The following PALM2AKAP2 variants were observed in gnomAD, a reference collection of about 807,000 sequenced individuals.
PALM2AKAP2 encodes PALM2 and AKAP2 fusion.
In PALM2AKAP2, 37 loss-of-function variants were observed where a neutral mutation model predicts 71.5. The observed-to-expected ratio is 0.52, with a 90% CI of 0.40 to 0.68. The LOEUF (loss-of-function observed/expected upper bound fraction) is 0.68. Among genes scored for constraint, PALM2AKAP2 ranks in the 30% least tolerant of loss-of-function variants. PALM2AKAP2 has a pLI of 0.00. For missense variants in PALM2AKAP2, 1,224 were observed against 1,191.8 expected, an observed-to-expected ratio of 1.03 and a Z score of -0.40; for synonymous variants, 468 against 478.8, an observed-to-expected ratio of 0.98 and a Z score of 0.29.
chr9:109,875,049 A>G (rs1301080504), intron 2 of PALM2AKAP2, among the ~76,000 whole-genome samples: 1 of 152,188 alleles, frequency 6.6e-6, no homozygotes, highest in Non-Finnish European at 1.5e-5. Context: ...TAACAAGGCT[A>G]CAGAATCCTA....
chr9:109,898,385 A>G (rs191459504), intron 3 of PALM2AKAP2, among the ~76,000 whole-genome samples: 87 of 152,324 alleles, frequency 5.7e-4, no homozygotes, highest in African/African-American at 2.0e-3. Context: ...GCAGCTCTCA[A>G]AAGACCTCTC....
intron 3 of PALM2AKAP2, among the ~76,000 whole-genome samples, chr9:109,894,275 G>A (rs1000735754): frequency 6.6e-6 from 1 of 152,154 alleles, no homozygotes; most frequent in Non-Finnish European, 1.5e-5. Flanking sequence ...GGAGGCAGAG[G>A]TTGCAGTCAG....
intron 5 of PALM2AKAP2, among the ~76,000 whole-genome samples, chr9:109,929,942 CAT>C (rs1831055444): frequency 6.6e-6 from 1 of 150,382 alleles, no homozygotes; most frequent in Non-Finnish European, 1.5e-5. Context: ...CAACTTCAGA[CAT>C]GTGGCTTCAC....
At chr9:109,806,590 C>G (rs756953775) in intron 1 of PALM2AKAP2, among the ~76,000 whole-genome samples, 1 of 152,056 alleles carries the variant, frequency 6.6e-6, no homozygotes, top group Non-Finnish European at 1.5e-5. Context: ...TCAAGAAAAA[C>G]CTTACTAATA....
At chr9:110,145,935 G>A (rs1045361836) in intron 2 of PALM2AKAP2, among the ~76,000 whole-genome samples, 4 of 103,882 alleles carry the variant, frequency 3.9e-5, no homozygotes, top group Middle Eastern at 0.012. Flanking sequence ...GTCTCGTTCT[G>A]TCGCCCAGTC....
At chr9:110,089,792 T>C (rs1372704599) in intron 1 of PALM2AKAP2, among the ~76,000 whole-genome samples, 1 of 152,240 alleles carries the variant, frequency 6.6e-6, no homozygotes, top group Non-Finnish European at 1.5e-5. Context: ...TTCTCTTTAC[T>C]GTAAACAGTG....
At chr9:109,959,403 T>C (rs1831810046) in intron 6 of PALM2AKAP2, among the ~76,000 whole-genome samples, 1 of 152,080 alleles carries the variant, frequency 6.6e-6, no homozygotes, top group Non-Finnish European at 1.5e-5. Context: ...CCCAGCACTT[T>C]GGAGGCCGAG....
At chr9:109,744,224 G>A (rs1486669176) in intron 1 of PALM2AKAP2, among the ~76,000 whole-genome samples, 1 of 152,174 alleles carries the variant, frequency 6.6e-6, no homozygotes, top group Non-Finnish European at 1.5e-5. Flanking sequence ...GAGAGATATT[G>A]TTAGATGTGG....
intron 1 of PALM2AKAP2, chr9:109,866,892 C>G (rs904084296): frequency 5.2e-6 from 2 of 387,382 alleles, no homozygotes; most frequent in Non-Finnish European, 1.0e-5. Flanking sequence ...CCTCAGCTGC[C>G]CCACCCACAT....
chr9:109,937,654 A>G (rs766956790), intron 6 of PALM2AKAP2, among the ~76,000 whole-genome samples: 7 of 152,228 alleles, frequency 4.6e-5, no homozygotes, highest in East Asian at 1.9e-4. Context: ...GAAATCAATA[A>G]TTAAATACAT....
intron 3 of PALM2AKAP2, among the ~76,000 whole-genome samples, chr9:110,168,018 A>G (rs1836777646): frequency 6.6e-6 from 1 of 152,218 alleles, no homozygotes; most frequent in African/African-American, 2.4e-5. Context: ...ACCATACTGG[A>G]TAGCAGAGAT....
intron 1 of PALM2AKAP2, among the ~76,000 whole-genome samples, chr9:110,098,716 A>G (rs1834921130): frequency 6.6e-6 from 1 of 152,200 alleles, no homozygotes; most frequent in Non-Finnish European, 1.5e-5. Flanking sequence ...AACTAAAGTC[A>G]CTTTCTGTCC....
At position 110,014,845 on chromosome 9, in the gene PALM2AKAP2, T is replaced by C. The variant is rs1234915033; in HGVS notation, c.497-1109T>C. ...ATATATATATATATATATATATATA[T>C]ATATATACACACACACACATATATC... is the stretch of plus-strand genomic sequence containing the variant. On this transcript the variant is annotated intron_variant, in intron 6 of 9. Transcript: ENST00000302798. Among the ~76,000 whole-genome samples the C allele has an allele frequency of 4.6e-4, 44 of 94,762 alleles. 3 individuals carry two copies. Among genetic ancestry groups the C allele is most frequent in the African/African-American group, 1.8e-3 (41 of 23,046 alleles). 62.2% of individuals were successfully genotyped at this position (94,762 alleles called of 152,430 possible). A position where few individuals can be genotyped will look rare whatever the true frequency, so the allele number is the denominator to read the frequency against.
chr9:109,834,771 C>A (rs149646582), intron 1 of PALM2AKAP2, among the ~76,000 whole-genome samples: 2 of 152,276 alleles, frequency 1.3e-5, no homozygotes, highest in Non-Finnish European at 2.9e-5. Context: ...CATTTTACAG[C>A]TGCAAAAACT....
At chr9:110,070,858 A>G (rs1393708423) in intron 1 of PALM2AKAP2, among the ~76,000 whole-genome samples, 2 of 151,992 alleles carry the variant, frequency 1.3e-5, no homozygotes, top group African/African-American at 4.8e-5. Flanking sequence ...CCCATCCGGC[A>G]AGTTTCGAAT....
chr9:110,138,267 A>G lies in PALM2AKAP2; in HGVS notation c.2297A>G (p.Glu766Gly), dbSNP rs143737736. ...ATTAACATGGAGGAGACCAGGCCCGAAGGAAGCTATTTCAGCAAGTACTCG... is the reference window on the plus strand; with the variant it reads ...ATTAACATGGAGGAGACCAGGCCCGGAGGAAGCTATTTCAGCAAGTACTCG... The change falls in exon 2 of 4, where the codon GAA (glutamate) becomes GGA (glycine). Residue 766 changes from glutamate to glycine, a missense_variant. Coordinates refer to ENST00000374525, the Ensembl canonical transcript of PALM2AKAP2. The G allele has an allele frequency of 1.5e-5, 24 of 1,614,096 alleles. No individual in the cohort carries two copies. The African/African-American group carries it at 2.3e-4, about 15-fold the overall frequency.
rs993797554 is a variant in PALM2AKAP2, at chr9:110,158,098, A to G, written c.2748+1601A>G. On this transcript the variant is annotated intron_variant, in intron 3 of 3. Coordinates refer to ENST00000374525, the Ensembl canonical transcript of PALM2AKAP2. Reference sequence around the variant, plus strand: ...GCTGCTGCAGACATTTCCACTGCTGAACCTCACTGTAGGGGAGCCAGCAGC... The same window carrying G: ...GCTGCTGCAGACATTTCCACTGCTGGACCTCACTGTAGGGGAGCCAGCAGC... 1.2e-4 allele frequency among the ~76,000 whole-genome samples: 18 copies of G among 152,292 alleles called. No individual in the cohort carries two copies. In the South Asian group the frequency reaches 1.2e-3, roughly 11 times the overall value.
At chr9:109,657,654 C>T (rs780565893) in intron 1 of PALM2AKAP2, among the ~76,000 whole-genome samples, 3 of 151,904 alleles carry the variant, frequency 2.0e-5, no homozygotes, top group African/African-American at 4.8e-5. Flanking sequence ...CTTGAGGGAG[C>T]GAGTTGGTAT....
intron 1 of PALM2AKAP2, among the ~76,000 whole-genome samples, chr9:109,712,836 C>T (rs1404860854): frequency 6.6e-6 from 1 of 152,192 alleles, no homozygotes; most frequent in Non-Finnish European, 1.5e-5. Flanking sequence ...ACTACTTCCC[C>T]AAGGCAGTCT....
Sources: gnomAD v4.1 joint callset for allele counts (sites outside exome capture counted in the v4.1 genomes callset) on GRCh38, gnomAD v4.1.1 for gene constraint, MANE v1.5 for transcripts, NCBI Gene and HGNC (gene_info 2026-07-23, HGNC 2026-07-21) for gene names.